Variants in FBXO33 observed in about 807,000 individuals in gnomAD.
FBXO33 encodes the protein F-box only protein 33.
In FBXO33, 22 loss-of-function variants were observed where a neutral mutation model predicts 46.3. The observed-to-expected ratio is 0.48, with a 90% CI of 0.34 to 0.68. The LOEUF (loss-of-function observed/expected upper bound fraction) is 0.68. FBXO33 is among the 30% of genes least tolerant of loss of function. The pLI, the probability that FBXO33 is intolerant of heterozygous loss-of-function variation, is 0.01. For synonymous variants in FBXO33, 337 were observed against 291.3 expected (o/e 1.16, Z -1.60); for missense variants, 692 against 708.8 (o/e 0.98, Z 0.27).
At chr14:39,418,496 C>T (rs1305030738) in intron 1 of FBXO33, among the ~76,000 whole-genome samples, 1 of 151,244 alleles carries the variant, frequency 6.6e-6, no homozygotes, top group African/African-American at 2.4e-5. Context: ...CAAACTGCAG[C>T]TGGGCGCAGT....
chr14:39,405,120 TTC>T (rs1012230860), intron 1 of FBXO33, among the ~76,000 whole-genome samples: 18 of 131,518 alleles, frequency 1.4e-4, no homozygotes, highest in African/African-American at 4.9e-4. Context: ...TTGCGTGTGA[TTC>T]TGTCTCAAAA....
intron 1 of FBXO33, among the ~76,000 whole-genome samples, chr14:39,429,073 T>C (rs2075530545): frequency 6.6e-6 from 1 of 152,202 alleles, no homozygotes; most frequent in African/African-American, 2.4e-5. Flanking sequence ...TACATGTATA[T>C]ATATAACCCA....
At chr14:39,422,630 T>C (rs1490921673) in intron 1 of FBXO33, among the ~76,000 whole-genome samples, 1 of 152,262 alleles carries the variant, frequency 6.6e-6, no homozygotes, top group East Asian at 1.9e-4. Context: ...TTTTTCTTTT[T>C]TCACCCTTCA....
Position 39,401,606 on chromosome 14 carries a change from C to T in FBXO33, c.966G>A (p.Met322Ile), listed in dbSNP as rs757242515. Reference protein sequence around the residue: ...ALDFCDFTAEMARVLTDSNHV... With the variant: ...ALDFCDFTAEIARVLTDSNHV... Reference sequence around the variant, plus strand: ...GGTTGCTATCAGTTAAGACTCTTGCCATCTCAGCTGTAAAGTCACAAAAAT... The same window carrying T: ...GGTTGCTATCAGTTAAGACTCTTGCTATCTCAGCTGTAAAGTCACAAAAAT... The change falls in exon 3 of 4, where the codon ATG becomes ATA. Residue 322 changes from methionine (M) to isoleucine (I), a missense_variant. Transcript: ENST00000298097. 1 of 1,614,120 alleles carries T rather than the reference C, an allele frequency of 6.2e-7. No individual in the cohort carries two copies. The highest frequency in any genetic ancestry group is 2.2e-5 in the East Asian group (1 of 44,886).
chr14:39,417,072 GA>G (rs1346252458), intron 1 of FBXO33, among the ~76,000 whole-genome samples: 2 of 152,156 alleles, frequency 1.3e-5, no homozygotes, highest in Non-Finnish European at 2.9e-5. Flanking sequence ...AATTGAGATG[GA>G]AACGAGCCCT....
Position 39,431,765 on chromosome 14 carries a change from C to A in FBXO33, c.398G>T (p.Gly133Val). The A allele has an allele frequency of 6.2e-7, 1 of 1,612,914 alleles. No homozygotes were observed. Among genetic ancestry groups the A allele is most frequent in the South Asian group, 1.1e-5 (1 of 91,090 alleles). Reference protein sequence around the residue: ...PRLEFLMRKCGWFVRELRVEF... With the variant: ...PRLEFLMRKCVWFVRELRVEF... Reference sequence around the variant, plus strand: ...AACACGCAGCTCTCGCACGAACCAGCCGCACTTGCGCATGAGGAATTCCAG... The same window carrying A: ...AACACGCAGCTCTCGCACGAACCAGACGCACTTGCGCATGAGGAATTCCAG... Residue 133 changes from glycine (G) to valine (V), a missense_variant, in exon 1 of 4, where the codon GGC (glycine) becomes GTC (valine). This residue lies in a region of FBXO33 where 412 missense variants were observed against 370.8 expected (regional missense o/e 1.11). Coordinates refer to ENST00000298097, the MANE Select transcript of FBXO33 (RefSeq NM_203301.4).
intron 1 of FBXO33, among the ~76,000 whole-genome samples, chr14:39,427,731 G>C (rs912218852): frequency 4.6e-5 from 7 of 151,998 alleles, no homozygotes; most frequent in African/African-American, 1.7e-4. Context: ...ATGAGGCCAG[G>C]TATTAGAGAC....
chr14:39,407,622 G>A (rs2075404946), intron 1 of FBXO33, among the ~76,000 whole-genome samples: 1 of 152,162 alleles, frequency 6.6e-6, no homozygotes, highest in Non-Finnish European at 1.5e-5. Flanking sequence ...GTTGAATATA[G>A]TAGGATTTCT....
rs529259969 is a variant in FBXO33, at chr14:39,409,452, T to C, written c.600-6941A>G. 4.6e-5 allele frequency among the ~76,000 whole-genome samples: 7 copies of C among 152,326 alleles called. No individual in the cohort carries two copies. In the South Asian group the frequency reaches 8.3e-4, roughly 18 times the overall value. ...CCACTGGTCTATACATCCATCTTTA[T>C]GCTAGCACAATACTGTTTTGATTAC... On this transcript the variant is annotated intron_variant, in intron 1 of 3. Transcript: ENST00000298097.
intron 1 of FBXO33, among the ~76,000 whole-genome samples, chr14:39,419,194 T>A (rs942768564): frequency 2.0e-5 from 3 of 152,244 alleles, no homozygotes; most frequent in Non-Finnish European, 4.4e-5. Context: ...GGTGTTTGAA[T>A]ACAATGCTTT....
rs765722703 is a variant in FBXO33 at position 39,399,731 on chromosome 14, G to C, written c.1453C>G (p.Leu485Val). 2 of 1,613,326 alleles carry C rather than the reference G, an allele frequency of 1.2e-6. No homozygotes were observed. The highest frequency in any genetic ancestry group is 1.7e-6 in the Non-Finnish European group (2 of 1,179,338). ...TCTTCGGTGACTTCAAGCACTTTCA[G>C]ATCAGAGCCCCGAAGACGAGCAATG... ...IAIARLRGSD[L>V]KVLEVTEESI... Residue 485 changes from leucine to valine, a missense_variant, in exon 4 of 4, where the codon CTG becomes GTG. By Grantham distance (32) the Leu-to-Val change is conservative. This residue lies in a region of FBXO33 where 94 missense variants were observed against 91.9 expected (regional missense o/e 1.02). Transcript: ENST00000298097.
intron 1 of FBXO33, among the ~76,000 whole-genome samples, chr14:39,425,869 C>G (rs2075510396): frequency 6.6e-6 from 1 of 152,166 alleles, no homozygotes; most frequent in African/African-American, 2.4e-5. Flanking sequence ...AAATAGCTAT[C>G]TGTAGCTACT....
At chr14:39,413,306 C>T (rs1311734372) in intron 1 of FBXO33, among the ~76,000 whole-genome samples, 4 of 152,196 alleles carry the variant, frequency 2.6e-5, no homozygotes, top group Admixed American at 2.0e-4. Flanking sequence ...TCATGCATTC[C>T]AGTTTTATGA....
intron 1 of FBXO33, among the ~76,000 whole-genome samples, chr14:39,413,790 A>G (rs2075434865): frequency 6.6e-6 from 1 of 152,158 alleles, no homozygotes; most frequent in Non-Finnish European, 1.5e-5. Flanking sequence ...TTTAAAAGGA[A>G]CCTTTTTGTA....
intron 1 of FBXO33, among the ~76,000 whole-genome samples, chr14:39,421,759 C>T (rs1016915956): frequency 2.0e-5 from 3 of 148,976 alleles, no homozygotes; most frequent in African/African-American, 7.5e-5. Flanking sequence ...TGTATCCAAA[C>T]CCTAGCTATT....
intron 1 of FBXO33, among the ~76,000 whole-genome samples, chr14:39,411,850 G>T (rs1288050612): frequency 1.3e-5 from 2 of 152,082 alleles, no homozygotes; most frequent in East Asian, 3.9e-4. Context: ...TTTATTGACT[G>T]TTTAATTTCC....
chr14:39,403,949 G>C (rs1220504534), intron 1 of FBXO33, among the ~76,000 whole-genome samples: 1 of 151,806 alleles, frequency 6.6e-6, no homozygotes, highest in Non-Finnish European at 1.5e-5. Flanking sequence ...CCACAGGCAT[G>C]TGCCACCATA....
At position 39,398,465 on chromosome 14, in the gene FBXO33, C is replaced by CTTTTTTTTT. The variant is rs57604339; in HGVS notation, c.*1042_*1050dup. 2.0e-3 allele frequency: 249 copies of CTTTTTTTTT among 125,822 alleles called. No homozygotes were observed. Among genetic ancestry groups the CTTTTTTTTT allele is most frequent in the African/African-American group, 4.4e-3 (148 of 33,898 alleles). 7.8% of individuals were successfully genotyped at this position (125,822 alleles called of 1,614,324 possible). On this transcript the variant is annotated 3_prime_UTR_variant, in exon 4 of 4. Coordinates refer to ENST00000298097, the MANE Select transcript of FBXO33 (RefSeq NM_203301.4). ...TGAAACAGGTGCATGTTTTTTTTTT[C>CTTTTTTTTT]TTTTTTTTTTTTTTTTGTTTTGTTT...
chr14:39,399,895 A>G (rs945330659), intron 3 of FBXO33, 108 bp from the exon 4 acceptor site: 2 of 1,228,502 alleles, frequency 1.6e-6, no homozygotes, highest in African/African-American at 3.0e-5. Flanking sequence ...TCAAATTTGT[A>G]TCTCACTTAC....
Sources: allele counts gnomAD v4.1 joint callset (sites outside exome capture counted in the v4.1 genomes callset), GRCh38; gene constraint gnomAD v4.1.1; regional missense constraint gnomAD v4.1.1; transcripts MANE v1.5; gene names NCBI Gene and HGNC (gene_info 2026-07-23, HGNC 2026-07-21).